SH3BP4: variants seen among roughly 807,000 people sequenced by gnomAD.
SH3BP4 encodes the protein SH3 domain-binding protein 4.
A neutral mutation model predicts 65.5 loss-of-function variants in SH3BP4; 33 were observed. That is an observed-to-expected ratio of 0.50 (90% CI 0.38 to 0.67). The LOEUF (loss-of-function observed/expected upper bound fraction) is 0.67. Among genes scored for constraint, SH3BP4 ranks in the 30% least tolerant of loss-of-function variants. The probability of loss-of-function intolerance (pLI) is 0.00; values close to 1 mark genes in which losing one functional copy is unlikely to be tolerated. For synonymous variants in SH3BP4, 552 were observed against 545.5 expected, an observed-to-expected ratio of 1.01 and a Z score of -0.17; for missense variants, 1,134 against 1,261.4, an observed-to-expected ratio of 0.90 and a Z score of 1.53.
chr2:235,039,495 A>G (rs1319749059), intron 3 of SH3BP4, among the ~76,000 whole-genome samples: 1 of 151,282 alleles, frequency 6.6e-6, no homozygotes, highest in Non-Finnish European at 1.5e-5. Context: ...AAAAAAAAAG[A>G]AAGAAAGAAA....
At chr2:235,028,870 C>G (rs1695088537) in intron 2 of SH3BP4, among the ~76,000 whole-genome samples, 1 of 152,048 alleles carries the variant, frequency 6.6e-6, no homozygotes, top group Admixed American at 6.5e-5. Context: ...GGCTTGGTAC[C>G]TGGGGAACTT....
At chr2:235,037,917 C>T (rs949517331) in intron 3 of SH3BP4, among the ~76,000 whole-genome samples, 2 of 151,866 alleles carry the variant, frequency 1.3e-5, no homozygotes, top group African/African-American at 4.8e-5. Flanking sequence ...TTTTAGAGCA[C>T]AAGGGCACAG....
At chr2:235,005,217 T>G (rs961046039) in intron 2 of SH3BP4, among the ~76,000 whole-genome samples, 2 of 150,564 alleles carry the variant, frequency 1.3e-5, no homozygotes, top group African/African-American at 5.0e-5. Context: ...GTGCTGGCCA[T>G]GTCTGTCTGT....
At position 235,042,490 on chromosome 2, in the gene SH3BP4, TC is replaced by T; in HGVS notation, c.1725del (p.Ile576SerfsTer18). ...CTGGGCAAGGTGAGCCGCCTGATCTTCCCCATCACCTCCCAGAACCCCAACG... is the reference window on the plus strand; with the variant it reads ...CTGGGCAAGGTGAGCCGCCTGATCTTCCCATCACCTCCCAGAACCCCAACG... The part of the protein sequence containing the change: ...LKLGKVSRLI[F>X]PITSQNPNEL... On this transcript the variant is annotated frameshift_variant, in exon 4 of 6. Coordinates refer to ENST00000392011, the MANE Select transcript of SH3BP4 (RefSeq NM_014521.3). LOFTEE classifies it high-confidence loss of function. This position sits in a 1 kb window ranked among gnomAD's most constrained non-coding sequence, Gnocchi z 7.3. 6.2e-7 allele frequency: 1 copy of T among 1,614,106 alleles called. No individual in the cohort carries two copies. Among genetic ancestry groups the T allele is most frequent in the Non-Finnish European group, 8.5e-7 (1 of 1,180,020 alleles).
chr2:235,017,045 C>T (rs869057945), intron 2 of SH3BP4, among the ~76,000 whole-genome samples: 66 of 88,452 alleles, frequency 7.5e-4, no homozygotes, highest in South Asian at 1.2e-3. Flanking sequence ...GTTTGCCTTT[C>T]TTTTTTTTTT....
rs952130922 is a variant in SH3BP4 at position 235,030,381 on chromosome 2, C to T, written c.-132-4490C>T. 2.0e-5 allele frequency among the ~76,000 whole-genome samples: 3 copies of T among 152,144 alleles called. No individual in the cohort carries two copies. The highest frequency in any genetic ancestry group is 2.9e-5 in the Non-Finnish European group (2 of 68,038). On this transcript the variant is annotated intron_variant, in intron 2 of 5. Transcript: ENST00000392011. The surrounding 1 kb of genome is among the most constrained non-coding windows in gnomAD (Gnocchi z 4.1). ...AGTTGCTTTAGTGATCTCTCCAAGC[C>T]CGTTTTCATGGAATCTGTAAAGTGC... is the stretch of plus-strand genomic sequence containing the variant.
At chr2:234,970,996 C>T (rs1692983690) in intron 1 of SH3BP4, among the ~76,000 whole-genome samples, 1 of 152,122 alleles carries the variant, frequency 6.6e-6, no homozygotes, top group African/African-American at 2.4e-5. Context: ...CTCATTATGG[C>T]CTTCCCCCAC....
intron 1 of SH3BP4, among the ~76,000 whole-genome samples, chr2:234,970,774 C>T (rs1414242597): frequency 2.6e-5 from 4 of 151,890 alleles, no homozygotes; most frequent in Non-Finnish European, 5.9e-5. Flanking sequence ...GTGTCGTTTT[C>T]TTTTTTGTTT....
At chr2:235,037,808 C>G (rs1473934763) in intron 3 of SH3BP4, among the ~76,000 whole-genome samples, 1 of 152,122 alleles carries the variant, frequency 6.6e-6, no homozygotes, top group Non-Finnish European at 1.5e-5. Flanking sequence ...TCAGCCTGAC[C>G]CACATCAATT....
At chr2:234,972,607 G>T (rs1437233079) in intron 1 of SH3BP4, among the ~76,000 whole-genome samples, 1 of 152,074 alleles carries the variant, frequency 6.6e-6, no homozygotes, top group Non-Finnish European at 1.5e-5. Flanking sequence ...TGTACCTGTA[G>T]TCCCAGCTAC....
At chr2:235,036,064 A>G (rs1293206075) in intron 3 of SH3BP4, among the ~76,000 whole-genome samples, 1 of 152,256 alleles carries the variant, frequency 6.6e-6, no homozygotes, top group African/African-American at 2.4e-5. Context: ...CTAAACTGCT[A>G]TCCCCCAGAT....
intron 1 of SH3BP4, chr2:234,979,419 GTTTGTT>G (rs1264466107): frequency 6.6e-6 from 1 of 152,152 alleles, no homozygotes; most frequent in African/African-American, 2.4e-5. Flanking sequence ...AAGCAACATC[GTTTGTT>G]TTTGTTTTTA....
Position 235,042,097 on chromosome 2 carries a change from A to G in SH3BP4, c.1328A>G (p.His443Arg). 1 of 1,613,934 alleles carries G rather than the reference A, an allele frequency of 6.2e-7. No homozygotes were observed. The highest frequency in any genetic ancestry group is 8.5e-7 in the Non-Finnish European group (1 of 1,180,026). The change falls in exon 4 of 6, where the codon CAC becomes CGC. Residue 443 changes from histidine (H) to arginine (R), a missense_variant. Coordinates refer to ENST00000392011, the MANE Select transcript of SH3BP4 (RefSeq NM_014521.3). The surrounding 1 kb of genome is among the most constrained non-coding windows in gnomAD (Gnocchi z 7.3). ...GGGGACACGGTCCAGGCACAGCTGC[A>G]CAACCTGGAGCCCTGTATGTACGTG... Reference protein sequence around the residue: ...SCGDTVQAQLHNLEPCMYVAV... With the variant: ...SCGDTVQAQLRNLEPCMYVAV...
intron 1 of SH3BP4, among the ~76,000 whole-genome samples, chr2:234,965,786 C>T (rs1478451805): frequency 1.3e-5 from 2 of 152,188 alleles, no homozygotes; most frequent in African/African-American, 4.8e-5. Context: ...GAGTAACATT[C>T]GGGACAAAAT....
At position 235,045,497 on chromosome 2, in the gene SH3BP4, C is replaced by T. The variant is rs187952861; in HGVS notation, c.2478+2250C>T. On this transcript the variant is annotated intron_variant, in intron 4 of 5. Transcript: ENST00000392011. This position sits in a 1 kb window ranked among gnomAD's most constrained non-coding sequence, Gnocchi z 4.3. ...CAGGGAGGGGTGTGTCCTCTGTGCC[C>T]GAGTCCTTCCGCTACCCAGAAAGGA... is the stretch of plus-strand genomic sequence containing the variant. Among the ~76,000 whole-genome samples the T allele has an allele frequency of 2.9e-4, 44 of 152,184 alleles. No individual in the cohort carries two copies. Among genetic ancestry groups the T allele is most frequent in the Non-Finnish European group, 5.6e-4 (38 of 67,998 alleles).
At chr2:234,999,027 C>T (rs1057313981) in intron 2 of SH3BP4, among the ~76,000 whole-genome samples, 6 of 152,320 alleles carry the variant, frequency 3.9e-5, no homozygotes, top group African/African-American at 1.4e-4. Flanking sequence ...CAGCGTCTCT[C>T]CAAGCCTCTG....
intron 1 of SH3BP4, among the ~76,000 whole-genome samples, chr2:234,984,418 G>A (rs960635604): frequency 2.6e-5 from 4 of 151,526 alleles, no homozygotes; most frequent in South Asian, 2.1e-4. Flanking sequence ...TGTATTGCCC[G>A]GGCTGGTCTC....
At chr2:234,959,776 C>G (rs187034306) in intron 1 of SH3BP4, among the ~76,000 whole-genome samples, 60 of 152,022 alleles carry the variant, frequency 3.9e-4, no homozygotes, top group African/African-American at 1.3e-3. Context: ...CTCAGCCCCC[C>G]AAGTAGCTGG....
At chr2:234,970,120 CACACTCTT>C (rs1368950245) in intron 1 of SH3BP4, among the ~76,000 whole-genome samples, 1 of 151,990 alleles carries the variant, frequency 6.6e-6, no homozygotes, top group Non-Finnish European at 1.5e-5. Context: ...CACACACTCT[CACACTCTT>C]ACACACACAC....
Sources: allele counts gnomAD v4.1 joint callset (sites outside exome capture counted in the v4.1 genomes callset), GRCh38; gene constraint gnomAD v4.1.1; non-coding constraint Gnocchi (gnomAD v3.1); transcripts MANE v1.5; gene names NCBI Gene and HGNC (gene_info 2026-07-23, HGNC 2026-07-21).